The following MRPL13 variants were observed in gnomAD, a reference collection of about 807,000 sequenced individuals.
The protein encoded by MRPL13 is mitochondrial ribosomal protein L13.
A neutral mutation model predicts 29.0 loss-of-function variants in MRPL13; 33 were observed. That is an observed-to-expected ratio of 1.14 (90% CI 0.86 to 1.52). The LOEUF (loss-of-function observed/expected upper bound fraction) is 1.52, where lower values mean the gene tolerates loss of function less well. Among genes scored for constraint, MRPL13 ranks in the 40% most tolerant of loss-of-function variants. The pLI is 0.00. For missense variants in MRPL13, 227 were observed against 216.7 expected, an observed-to-expected ratio of 1.05 and a Z score of -0.30; for synonymous variants, 77 against 68.4, an observed-to-expected ratio of 1.13 and a Z score of -0.62.
intron 3 of MRPL13, among the ~76,000 whole-genome samples, chr8:120,428,301 T>C (rs995394434): frequency 6.6e-5 from 10 of 152,032 alleles, no homozygotes; most frequent in African/African-American, 2.2e-4. Flanking sequence ...ATGCAGAAGA[T>C]TGAAACTGGA....
intron 6 of MRPL13, among the ~76,000 whole-genome samples, chr8:120,404,610 T>C (rs1474651502): frequency 1.3e-5 from 2 of 152,246 alleles, no homozygotes; most frequent in African/African-American, 2.4e-5. Flanking sequence ...TCTCTAATCA[T>C]ACTGGCTCTT....
intron 6 of MRPL13, among the ~76,000 whole-genome samples, chr8:120,413,117 G>GA (rs1362992269): frequency 3.3e-5 from 5 of 152,064 alleles, no homozygotes; most frequent in Admixed American, 1.3e-4. Flanking sequence ...TAAATGCTGT[G>GA]AAAAAAATGA....
chr8:120,417,744 A>C (rs1045543316), intron 5 of MRPL13, among the ~76,000 whole-genome samples: 4 of 152,010 alleles, frequency 2.6e-5, no homozygotes, highest in Non-Finnish European at 5.9e-5. Context: ...TTATTTCACT[A>C]TTATAAATCA....
At chr8:120,444,458 T>C (rs538026802) in intron 1 of MRPL13, among the ~76,000 whole-genome samples, 1 of 152,300 alleles carries the variant, frequency 6.6e-6, no homozygotes, top group South Asian at 2.1e-4. Context: ...CTTCTTTTGC[T>C]GTTGGCCTAT....
At chr8:120,432,519 T>C (rs1813006932) in intron 2 of MRPL13, among the ~76,000 whole-genome samples, 1 of 151,940 alleles carries the variant, frequency 6.6e-6, no homozygotes, top group Admixed American at 6.6e-5. Context: ...GCCAAGAAAA[T>C]GAAAACAGTA....
At chr8:120,409,043 T>C (rs1006178782) in intron 6 of MRPL13, among the ~76,000 whole-genome samples, 3 of 152,182 alleles carry the variant, frequency 2.0e-5, no homozygotes, top group African/African-American at 7.2e-5. Context: ...TACTTCCTTG[T>C]CTTCATCCTT....
At chr8:120,413,404 G>T (rs184926978) in intron 6 of MRPL13, among the ~76,000 whole-genome samples, 40 of 152,162 alleles carry the variant, frequency 2.6e-4, no homozygotes, top group Admixed American at 2.3e-3. Context: ...GCCTAACCCG[G>T]TTCAAAGATT....
intron 2 of MRPL13, among the ~76,000 whole-genome samples, chr8:120,440,458 A>G (rs1026385056): frequency 2.6e-5 from 4 of 151,980 alleles, no homozygotes; most frequent in African/African-American, 4.8e-5. Context: ...ATACAAACTT[A>G]GTCAGGTGTG....
At chr8:120,434,164 C>T (rs1392029727) in intron 2 of MRPL13, among the ~76,000 whole-genome samples, 1 of 152,020 alleles carries the variant, frequency 6.6e-6, no homozygotes, top group Non-Finnish European at 1.5e-5. Context: ...ATAGGTTACA[C>T]CATCAGGGGC....
chr8:120,443,078 A>G, intron 2 of MRPL13, 107 bp downstream of exon 2: 1 of 1,119,900 alleles, frequency 8.9e-7, no homozygotes, highest in Non-Finnish European at 1.2e-6. Flanking sequence ...CAGGATCCTC[A>G]GGAAAAATAA....
intron 6 of MRPL13, among the ~76,000 whole-genome samples, chr8:120,400,741 T>TAAATAAA (rs904997065): frequency 2.4e-5 from 2 of 83,098 alleles, no homozygotes; most frequent in African/African-American, 7.9e-5. Flanking sequence ...AATAAATAAA[T>TAAATAAA]AAAAAAAATA....
intron 5 of MRPL13, among the ~76,000 whole-genome samples, chr8:120,417,148 A>G (rs973576911): frequency 2.0e-5 from 3 of 152,194 alleles, no homozygotes; most frequent in Non-Finnish European, 4.4e-5. Flanking sequence ...ATTCAGGTTA[A>G]GCATTACTGA....
intron 2 of MRPL13, among the ~76,000 whole-genome samples, chr8:120,432,692 C>T (rs997710435): frequency 1.3e-5 from 2 of 152,006 alleles, no homozygotes; most frequent in Non-Finnish European, 2.9e-5. Flanking sequence ...TAAATTTAAA[C>T]TGCTACTCTC....
chr8:120,425,411 C>A (rs368918437), intron 3 of MRPL13, 45 bp from the exon 4 acceptor site: 1 of 1,315,878 alleles, frequency 7.6e-7, no homozygotes, highest in East Asian at 2.3e-5. Context: ...TAGGCTGATA[C>A]TGTATTCTTA....
rs775064449 is a variant in MRPL13, at chr8:120,443,188, G to C, written c.148C>G (p.Leu50Val). Residue 50 changes from leucine (L) to valine (V), a missense_variant, in exon 2 of 7, where the codon CTG (leucine) becomes GTG (valine). Leu to Val is a conservative substitution (Grantham distance 32). Coordinates refer to ENST00000306185, the MANE Select transcript of MRPL13 (RefSeq NM_014078.6). ...QGLHKPVYHA[L>V]SDCGDHVVIM... ...ACAGGTCTAAAATAATACTTACTCA[G>C]TGCATGGTACACAGGTTTATGTAAT... 6.4e-7 allele frequency: 1 copy of C among 1,572,108 alleles called. No homozygotes were observed. Among genetic ancestry groups the C allele is most frequent in the Non-Finnish European group, 8.6e-7 (1 of 1,162,934 alleles).
At chr8:120,432,205 T>C in intron 2 of MRPL13, 82 bp from the exon 3 acceptor site, 3 of 990,164 alleles carry the variant, frequency 3.0e-6, no homozygotes, top group South Asian at 4.3e-5. Flanking sequence ...ATAAAGCTTA[T>C]CAAAGTTCAA....
chr8:120,400,093 A>C (rs1367661321), intron 6 of MRPL13, among the ~76,000 whole-genome samples: 1 of 152,168 alleles, frequency 6.6e-6, no homozygotes, highest in African/African-American at 2.4e-5. Context: ...GAAAATTAAC[A>C]AAGATATTCA....
At chr8:120,402,901 T>C (rs1385024036) in intron 6 of MRPL13, among the ~76,000 whole-genome samples, 1 of 151,948 alleles carries the variant, frequency 6.6e-6, no homozygotes, top group East Asian at 1.9e-4. Flanking sequence ...GAAAAAAAGC[T>C]CAACATCACT....
chr8:120,397,277 T>A (rs7824721), intron 6 of MRPL13, among the ~76,000 whole-genome samples: 14,598 of 152,114 alleles, frequency 0.096, 829 homozygotes, highest in Middle Eastern at 0.18. Flanking sequence ...AGGAGTTTAA[T>A]AGACTCTAGC....
Sources: gnomAD v4.1 joint callset for allele counts (sites outside exome capture counted in the v4.1 genomes callset) on GRCh38, gnomAD v4.1.1 for gene constraint, MANE v1.5 for transcripts, NCBI Gene and HGNC (gene_info 2026-07-23, HGNC 2026-07-21) for gene names.